Variants in POLR3G observed in about 807,000 individuals in gnomAD.
The protein encoded by POLR3G is RNA polymerase III subunit G, also known as DNA-directed RNA polymerase III subunit RPC7.
Under a neutral mutation model 30.1 loss-of-function variants are expected in POLR3G, and 28 were observed. The observed-to-expected ratio is 0.93, with a 90% CI of 0.69 to 1.27. The LOEUF is 1.27. Ranked by LOEUF, POLR3G falls within the 50% of genes most tolerant of loss-of-function variation. The pLI is 0.00. For missense variants in POLR3G, 254 were observed against 264.6 expected (o/e 0.96, Z 0.28); for synonymous variants, 79 against 82.5 (o/e 0.96, Z 0.23).
chr5:90,509,175 ATAATGC>A (rs1289833624), intron 7 of POLR3G, among the ~76,000 whole-genome samples: 1 of 152,218 alleles, frequency 6.6e-6, no homozygotes, highest in Non-Finnish European at 1.5e-5. Context: ...TTTTTGTTAC[ATAATGC>A]TTTTCGTTTT....
intron 7 of POLR3G, among the ~76,000 whole-genome samples, chr5:90,509,404 G>T (rs1178359088): frequency 6.6e-6 from 1 of 152,082 alleles, no homozygotes; most frequent in African/African-American, 2.4e-5. Flanking sequence ...GCTTGGAATT[G>T]TACTAGGCAA....
chr5:90,501,858 C>A, intron 5 of POLR3G, 48 bp from the exon 6 acceptor site: 1 of 1,599,878 alleles, frequency 6.3e-7, no homozygotes. Context: ...AAATATAATA[C>A]AGAGTTGCAG....
At chr5:90,481,498 C>T (rs1248181436) in intron 1 of POLR3G, among the ~76,000 whole-genome samples, 6 of 152,152 alleles carry the variant, frequency 3.9e-5, no homozygotes, top group Admixed American at 3.3e-4. Flanking sequence ...GGTTTACAAA[C>T]CAGTTGATGT....
chr5:90,499,778 G>A (rs1752157994), intron 5 of POLR3G, among the ~76,000 whole-genome samples: 1 of 152,066 alleles, frequency 6.6e-6, no homozygotes, highest in Admixed American at 6.6e-5. Context: ...TTGCACATGT[G>A]TATTTAAGGC....
intron 4 of POLR3G, among the ~76,000 whole-genome samples, chr5:90,496,117 C>G (rs997258914): frequency 3.3e-5 from 5 of 151,480 alleles, no homozygotes; most frequent in Admixed American, 6.6e-5. Context: ...GACTACAGGC[C>G]CCCGCCACCA....
intron 6 of POLR3G, among the ~76,000 whole-genome samples, chr5:90,504,679 A>G (rs527752245): frequency 8.5e-5 from 13 of 152,352 alleles, no homozygotes; most frequent in Non-Finnish European, 1.6e-4. Flanking sequence ...AGCTAAATAA[A>G]TATGGCACTA....
At chr5:90,475,612 G>A (rs941537500) in intron 1 of POLR3G, among the ~76,000 whole-genome samples, 1 of 152,062 alleles carries the variant, frequency 6.6e-6, no homozygotes, top group African/African-American at 2.4e-5. Context: ...AATAATGACT[G>A]GGTGTGGCCC....
At chr5:90,493,626 C>A (rs991288207) in intron 3 of POLR3G, among the ~76,000 whole-genome samples, 2 of 140,296 alleles carry the variant, frequency 1.4e-5, no homozygotes, top group Admixed American at 7.7e-5. Context: ...GTGTACAATT[C>A]AGTGACTTTT....
At position 90,493,669 on chromosome 5, in the gene POLR3G, C is replaced by T. The variant is rs1391961281; in HGVS notation, c.248-2008C>T. 6.8e-5 allele frequency among the ~76,000 whole-genome samples: 9 copies of T among 132,328 alleles called. No homozygotes were observed. In the Admixed American group the frequency reaches 7.4e-4, roughly 11 times the overall value. The allele number at this position is 132,328 out of a possible 152,430, so 86.8% of individuals were successfully genotyped here. On this transcript the variant is annotated intron_variant, in intron 3 of 7. Transcript: ENST00000651687. ...CCACAGAGTTGTGCAATCAACACCA[C>T]TATTTAATTTTTTTTTTTTTTTTTT... is the stretch of plus-strand genomic sequence containing the variant.
At chr5:90,481,702 A>G (rs1751130346) in intron 1 of POLR3G, among the ~76,000 whole-genome samples, 1 of 152,234 alleles carries the variant, frequency 6.6e-6, no homozygotes, top group South Asian at 2.1e-4. Flanking sequence ...AGTTTAAAAG[A>G]AAGTTAAATG....
Position 90,488,412 on chromosome 5 carries a change from A to G in POLR3G, c.247+283A>G, listed in dbSNP as rs550225923. 2.0e-5 allele frequency among the ~76,000 whole-genome samples: 3 copies of G among 152,234 alleles called. No homozygotes were observed. In the East Asian group the frequency reaches 5.8e-4, roughly 29 times the overall value. On this transcript the variant is annotated intron_variant, in intron 3 of 7. Coordinates refer to ENST00000651687, the MANE Select transcript of POLR3G (RefSeq NM_006467.3). ...AAATTACCCATTCTTATGTCTAGAG[A>G]ACCACTATTAATATTTTAGTATATA...
chr5:90,494,659 A>G (rs910251200), intron 3 of POLR3G, among the ~76,000 whole-genome samples: 4 of 151,902 alleles, frequency 2.6e-5, no homozygotes, highest in Admixed American at 2.6e-4. Context: ...ACATCTTTTC[A>G]TGCTTTTTGT....
Position 90,485,758 on chromosome 5 carries a change from A to G in POLR3G, c.117+74A>G, listed in dbSNP as rs1751408986. ...AGAGAATATTAAAATTCTATATGGGACTGGATGTATGATTATAGCATCCTC... is the reference window on the plus strand; with the variant it reads ...AGAGAATATTAAAATTCTATATGGGGCTGGATGTATGATTATAGCATCCTC... On this transcript the variant is annotated intron_variant, in intron 2 of 7. Transcript: ENST00000651687. The G allele has an allele frequency of 2.1e-5, 22 of 1,037,230 alleles. No homozygotes were observed. In the South Asian group the frequency reaches 3.1e-4, roughly 15 times the overall value. 64.3% of individuals were successfully genotyped at this position (1,037,230 alleles called of 1,614,324 possible). A position where few individuals can be genotyped will look rare whatever the true frequency, so the allele number is the denominator to read the frequency against.
chr5:90,490,827 G>A (rs1477689151), intron 3 of POLR3G: 3 of 165,936 alleles, frequency 1.8e-5, no homozygotes, highest in Admixed American at 1.2e-4. Context: ...GTGTATATAT[G>A]TGCATACATA....
At position 90,497,721 on chromosome 5, in the gene POLR3G, A is replaced by G. The variant is rs1580211420; in HGVS notation, c.355+15A>G. The G allele has an allele frequency of 6.3e-7, 1 of 1,595,084 alleles. No individual in the cohort carries two copies. The highest frequency in any genetic ancestry group is 2.3e-5 in the East Asian group (1 of 43,942). On this transcript the variant is annotated intron_variant, in intron 5 of 7. Transcript: ENST00000651687. The stretch of plus-strand genomic sequence containing the variant: ...ATGTAAAAAAGGTACATTGACTAAT[A>G]TAATAGTAATTCAGGTAGGAAAAGG...
upstream of POLR3G, chr5:90,474,470 C>A (rs1434824698): frequency 3.3e-6 from 2 of 613,652 alleles, no homozygotes; most frequent in Non-Finnish European, 5.7e-6. Flanking sequence ...GGACGCAGAC[C>A]GACGCTGCCC....
chr5:90,484,670 G>A (rs2151902028), intron 1 of POLR3G, among the ~76,000 whole-genome samples: 1 of 152,210 alleles, frequency 6.6e-6, no homozygotes, highest in South Asian at 2.1e-4. Context: ...GAGCTGATGG[G>A]GCCAAAACCA....
chr5:90,493,021 CA>C (rs1751807918), intron 3 of POLR3G, among the ~76,000 whole-genome samples: 1 of 120,312 alleles, frequency 8.3e-6, no homozygotes, highest in Non-Finnish European at 1.8e-5. Flanking sequence ...ATGAGAAAAC[CA>C]GAGGAAATTA....
At chr5:90,510,754 A>G (rs892648940) in intron 7 of POLR3G, among the ~76,000 whole-genome samples, 5 of 152,172 alleles carry the variant, frequency 3.3e-5, no homozygotes, top group Non-Finnish European at 7.3e-5. Context: ...AACTTAAAGT[A>G]TCTAGGGAAG....
Sources: gnomAD v4.1 joint callset for allele counts (sites outside exome capture counted in the v4.1 genomes callset) on GRCh38, gnomAD v4.1.1 for gene constraint, MANE v1.5 for transcripts, NCBI Gene and HGNC (gene_info 2026-07-23, HGNC 2026-07-21) for gene names.